Variants in DACH1 observed in about 807,000 individuals in gnomAD.
DACH1 encodes dachshund family transcription factor 1.
In DACH1, 12 loss-of-function variants were observed where a neutral mutation model predicts 54.2. The observed-to-expected ratio is 0.22, with a 90% confidence interval of 0.14 to 0.36. The LOEUF is 0.36. Among genes scored for constraint, DACH1 ranks in the 10% least tolerant of loss-of-function variants. The pLI is 1.00. For synonymous variants in DACH1, 386 were observed against 366.2 expected, an observed-to-expected ratio of 1.05 and a Z score of -0.62; for missense variants, 805 against 929.8, an observed-to-expected ratio of 0.87 and a Z score of 1.75.
Position 71,607,055 on chromosome 13 carries a change from A to T in DACH1, c.1126+23501T>A, listed in dbSNP as rs540761121. On this transcript the variant is annotated intron_variant, in intron 3 of 10. Transcript: ENST00000613252. ...TCAAAAGGTTTGTGGTTTTACCTTT[A>T]TTCCACTTTCAAAGAAAATGGGATG... Among the ~76,000 whole-genome samples the T allele has an allele frequency of 8.5e-5, 13 of 152,132 alleles. No individual in the cohort carries two copies. The South Asian group carries it at 2.3e-3, about 27-fold the overall frequency.
At chr13:71,563,646 G>A (rs1407271417) in intron 4 of DACH1, among the ~76,000 whole-genome samples, 1 of 151,522 alleles carries the variant, frequency 6.6e-6, no homozygotes, top group Non-Finnish European at 1.5e-5. Context: ...TCTTAAAAAG[G>A]CATATTATAC....
intron 3 of DACH1, among the ~76,000 whole-genome samples, chr13:71,577,523 T>C (rs1885606462): frequency 6.6e-6 from 1 of 152,196 alleles, no homozygotes; most frequent in African/African-American, 2.4e-5. Context: ...GAGTGATAGT[T>C]AAGACAGCAA....
chr13:71,690,737 G>C (rs2138722297), intron 1 of DACH1, among the ~76,000 whole-genome samples: 1 of 152,232 alleles, frequency 6.6e-6, no homozygotes, highest in Non-Finnish European at 1.5e-5. Context: ...TTCAAGACCA[G>C]CCTGGACAAG....
At chr13:71,728,240 G>A (rs1209959914) in intron 1 of DACH1, among the ~76,000 whole-genome samples, 2 of 151,848 alleles carry the variant, frequency 1.3e-5, no homozygotes, top group Non-Finnish European at 2.9e-5. Flanking sequence ...AAATTCATTT[G>A]GTAACATGAG....
intron 1 of DACH1, among the ~76,000 whole-genome samples, chr13:71,756,522 A>G (rs1379996748): frequency 7.2e-6 from 1 of 138,600 alleles, no homozygotes; most frequent in Non-Finnish European, 1.7e-5. Context: ...TTTCAAAACA[A>G]TGAAAAAAAA....
chr13:71,496,869 T>C (rs117000900), intron 6 of DACH1, among the ~76,000 whole-genome samples: 3,936 of 152,318 alleles, frequency 0.026, 87 homozygotes, highest in South Asian at 0.054. Flanking sequence ...TATTTGGGAA[T>C]AAAACTTATT....
chr13:71,739,226 T>C lies in DACH1; in HGVS notation c.849-57316A>G, dbSNP rs201576836. On this transcript the variant is annotated intron_variant, in intron 1 of 10. Coordinates refer to ENST00000613252, the MANE Select transcript of DACH1 (RefSeq NM_080759.6). The stretch of plus-strand genomic sequence containing the variant: ...GAGATCGCGCCATTGCATTCCAGCC[T>C]GGGTGACAAGAGTGAAACTATGTCT... Among the ~76,000 whole-genome samples the C allele has an allele frequency of 3.9e-5, 6 of 152,070 alleles. No individual in the cohort carries two copies. In the East Asian group the frequency reaches 1.2e-3, roughly 29 times the overall value.
intron 10 of DACH1, among the ~76,000 whole-genome samples, chr13:71,451,652 T>G (rs772221294): frequency 6.6e-6 from 1 of 152,130 alleles, no homozygotes; most frequent in Non-Finnish European, 1.5e-5. Context: ...AATGTCAATT[T>G]TATAAATTAT....
chr13:71,729,843 T>A (rs377449629), intron 1 of DACH1, among the ~76,000 whole-genome samples: 7 of 152,224 alleles, frequency 4.6e-5, no homozygotes, highest in South Asian at 4.1e-4. Flanking sequence ...CCAAGCCTGA[T>A]GGGCACCTGG....
intron 10 of DACH1, among the ~76,000 whole-genome samples, chr13:71,468,132 T>C (rs937426478): frequency 6.6e-6 from 1 of 152,198 alleles, no homozygotes; most frequent in Non-Finnish European, 1.5e-5. Flanking sequence ...TAATTCAACA[T>C]TGTATTATAA....
chr13:71,754,402 A>T (rs1000374620), intron 1 of DACH1, among the ~76,000 whole-genome samples: 6 of 152,152 alleles, frequency 3.9e-5, no homozygotes, highest in Non-Finnish European at 8.8e-5. Context: ...GTACTATGGT[A>T]TGTACAGTCT....
In DACH1 at chr13:71,641,672, G is replaced by C. The variant is rs148422749; in HGVS notation, c.965-10955C>G. 1.2e-4 allele frequency among the ~76,000 whole-genome samples: 19 copies of C among 152,246 alleles called. No individual in the cohort carries two copies. In the East Asian group the frequency reaches 3.7e-3, roughly 29 times the overall value. On this transcript the variant is annotated intron_variant, in intron 2 of 10. Coordinates refer to ENST00000613252, the MANE Select transcript of DACH1 (RefSeq NM_080759.6). ...AATGAAATATGAGTTGTGGTCCATA[G>C]TCTCAAATGGTTGGCATCTCCTACA... is the stretch of plus-strand genomic sequence containing the variant.
chr13:71,777,552 A>G (rs546978527), intron 1 of DACH1, among the ~76,000 whole-genome samples: 1 of 152,242 alleles, frequency 6.6e-6, no homozygotes, highest in South Asian at 2.1e-4. Flanking sequence ...TTAACAATCT[A>G]TGTGATTTTA....
chr13:71,554,251 A>C (rs1884094338), intron 6 of DACH1, among the ~76,000 whole-genome samples: 1 of 152,142 alleles, frequency 6.6e-6, no homozygotes, highest in African/African-American at 2.4e-5. Flanking sequence ...ACACAAGAGA[A>C]AAGCATCACA....
chr13:71,524,783 T>C (rs1031227673), intron 6 of DACH1, among the ~76,000 whole-genome samples: 4 of 152,024 alleles, frequency 2.6e-5, no homozygotes, highest in African/African-American at 4.8e-5. Flanking sequence ...AAAACAGCAA[T>C]GTTATTTTTT....
intron 1 of DACH1, among the ~76,000 whole-genome samples, chr13:71,755,505 G>C (rs527272248): frequency 1.3e-5 from 2 of 152,294 alleles, no homozygotes; most frequent in South Asian, 4.1e-4. Flanking sequence ...ATTATTGTTA[G>C]AGCTAGGAAG....
chr13:71,695,791 GA>G (rs1446163284), intron 1 of DACH1, among the ~76,000 whole-genome samples: 1 of 152,212 alleles, frequency 6.6e-6, no homozygotes, highest in Non-Finnish European at 1.5e-5. Context: ...GTCCATTACA[GA>G]GGGCAGCAAA....
At chr13:71,690,081 T>C (rs1325285979) in intron 1 of DACH1, among the ~76,000 whole-genome samples, 3 of 152,172 alleles carry the variant, frequency 2.0e-5, no homozygotes. Flanking sequence ...ACTGGAATTC[T>C]TTACATCCAT....
At chr13:71,495,955 G>A (rs1017045649) in intron 6 of DACH1, among the ~76,000 whole-genome samples, 8 of 151,948 alleles carry the variant, frequency 5.3e-5, no homozygotes, top group African/African-American at 7.3e-5. Context: ...GATACAGGCC[G>A]GGCACAGTGG....
Sources: allele counts gnomAD v4.1 joint callset (sites outside exome capture counted in the v4.1 genomes callset), GRCh38; gene constraint gnomAD v4.1.1; transcripts MANE v1.5; gene names NCBI Gene and HGNC (gene_info 2026-07-23, HGNC 2026-07-21).